The following ZFHX3 variants were observed in gnomAD, a reference collection of about 807,000 sequenced individuals.
The protein encoded by ZFHX3 is zinc finger homeobox 3, also known as zinc finger homeobox protein 3.
A neutral mutation model predicts 279.1 loss-of-function variants in ZFHX3; 42 were observed. The observed-to-expected ratio is 0.15, with a 90% CI of 0.12 to 0.19. The LOEUF (loss-of-function observed/expected upper bound fraction) is 0.19, where lower values mean the gene tolerates loss of function less well. Among genes scored for constraint, ZFHX3 ranks in the 10% least tolerant of loss-of-function variants. The pLI is 1.00. For synonymous variants in ZFHX3, 2,293 were observed against 1,957.8 expected (o/e 1.17, Z -4.52); for missense variants, 4,981 against 4,754.0 (o/e 1.05, Z -1.40).
rs367903408 is a variant in ZFHX3, at chr16:72,935,525, G to A, written c.3216+14944C>T. 4.1e-4 allele frequency among the ~76,000 whole-genome samples: 62 copies of A among 152,232 alleles called. 2 individuals are homozygous for A. In the South Asian group the frequency reaches 0.012, roughly 30 times the overall value. On this transcript the variant is annotated intron_variant, in intron 3 of 9. Transcript: ENST00000268489. ...GGAGGCAGAGGCAGGCGGATCGCCC[G>A]AGGTCAGGAGTTCGAGACCAGACTG...
At chr16:72,977,998 G>A (rs1310317200) in intron 1 of ZFHX3, among the ~76,000 whole-genome samples, 1 of 152,022 alleles carries the variant, frequency 6.6e-6, no homozygotes, top group African/African-American at 2.4e-5. Context: ...CTGAGTAGCT[G>A]GGACCACAGG....
At chr16:73,609,932 T>C (rs2052228093) in intron 2 of ZFHX3, 1 of 152,204 alleles carries the variant, frequency 6.6e-6, no homozygotes, top group Non-Finnish European at 1.5e-5. Flanking sequence ...TTATATTTTG[T>C]AAATACATAT....
intron 7 of ZFHX3, among the ~76,000 whole-genome samples, chr16:72,805,811 A>G (rs2036246670): frequency 6.6e-6 from 1 of 152,212 alleles, no homozygotes. Context: ...ACAGTCTTCT[A>G]CATATGCCAG....
chr16:73,366,962 A>G (rs1306072774), intron 3 of ZFHX3, among the ~76,000 whole-genome samples: 1 of 152,134 alleles, frequency 6.6e-6, no homozygotes, highest in Non-Finnish European at 1.5e-5. Context: ...CCACATTACA[A>G]ATGATTTTTG....
chr16:73,617,593 T>C (rs1170248697), intron 2 of ZFHX3, among the ~76,000 whole-genome samples: 1 of 152,210 alleles, frequency 6.6e-6, no homozygotes, highest in Non-Finnish European at 1.5e-5. Flanking sequence ...TGCCTAAAAA[T>C]TGTTTCTTTA....
intron 8 of ZFHX3, among the ~76,000 whole-genome samples, chr16:73,074,173 A>G (rs1322936883): frequency 6.6e-6 from 1 of 152,188 alleles, no homozygotes; most frequent in Non-Finnish European, 1.5e-5. Context: ...TCAACTTTGG[A>G]GGTATCTGGA....
chr16:73,660,670 A>G (rs535194412), intron 2 of ZFHX3, among the ~76,000 whole-genome samples: 3 of 152,274 alleles, frequency 2.0e-5, no homozygotes, highest in Middle Eastern at 6.8e-3. Flanking sequence ...CGAGAAACAC[A>G]ATGAAAACGT....
At chr16:72,834,745 C>T (rs550396576) in intron 4 of ZFHX3, among the ~76,000 whole-genome samples, 8 of 152,098 alleles carry the variant, frequency 5.3e-5, no homozygotes, top group African/African-American at 1.4e-4. Flanking sequence ...CATTCAACCC[C>T]GCAACCTCAC....
intron 5 of ZFHX3, among the ~76,000 whole-genome samples, chr16:72,824,194 T>C (rs1008486313): frequency 6.6e-6 from 1 of 152,202 alleles, no homozygotes; most frequent in Non-Finnish European, 1.5e-5. Context: ...CCATACGCTA[T>C]ACATTTATGT....
chr16:73,280,774 G>C (rs1411383726), intron 4 of ZFHX3, among the ~76,000 whole-genome samples: 3 of 151,922 alleles, frequency 2.0e-5, no homozygotes, highest in Non-Finnish European at 4.4e-5. Context: ...CTGAGGTTGG[G>C]AGTTCAAGAC....
intron 2 of ZFHX3, among the ~76,000 whole-genome samples, chr16:73,614,100 A>G (rs1221623396): frequency 6.6e-6 from 1 of 152,236 alleles, no homozygotes; most frequent in East Asian, 1.9e-4. Context: ...CTATGCCTGG[A>G]AAGAAAAGGA....
At chr16:73,155,199 A>T (rs1967049032) in intron 5 of ZFHX3, among the ~76,000 whole-genome samples, 1 of 151,908 alleles carries the variant, frequency 6.6e-6, no homozygotes, top group East Asian at 1.9e-4. Context: ...AAAAAACAAA[A>T]AAAAGGAAAA....
chr16:72,996,260 G>T (rs1021570398), intron 1 of ZFHX3, among the ~76,000 whole-genome samples: 1 of 152,180 alleles, frequency 6.6e-6, no homozygotes, highest in Non-Finnish European at 1.5e-5. Context: ...CTCCAGCCTG[G>T]TGACAGAGCA....
intron 2 of ZFHX3, among the ~76,000 whole-genome samples, chr16:73,672,826 A>C (rs1270309456): frequency 6.6e-6 from 1 of 152,178 alleles, no homozygotes; most frequent in Non-Finnish European, 1.5e-5. Context: ...AGAAATTCTT[A>C]CACATGAAAA....
chr16:72,918,090 A>C (rs1287747158), intron 3 of ZFHX3, among the ~76,000 whole-genome samples: 1 of 152,164 alleles, frequency 6.6e-6, no homozygotes, highest in Non-Finnish European at 1.5e-5. Context: ...CTAGAACATT[A>C]ATGACTTGGT....
chr16:72,909,889 A>AAAG (rs2039276053), intron 3 of ZFHX3, among the ~76,000 whole-genome samples: 1 of 151,648 alleles, frequency 6.6e-6, no homozygotes, highest in African/African-American at 2.4e-5. Context: ...AAAAAAAAAA[A>AAAG]AAAAAAAAAA....
intron 1 of ZFHX3, among the ~76,000 whole-genome samples, chr16:73,053,618 G>A (rs767565707): frequency 2.0e-5 from 3 of 152,164 alleles, no homozygotes; most frequent in Non-Finnish European, 2.9e-5. Context: ...ACCAGGGCGA[G>A]TGGATGTCGG....
At chr16:73,287,644 C>T in intron 4 of ZFHX3, among the ~76,000 whole-genome samples, 1 of 132,988 alleles carries the variant, frequency 7.5e-6, no homozygotes, top group East Asian at 2.3e-4. Context: ...TGGTGTGTGG[C>T]TGTGTGGGTT....
chr16:73,185,414 C>T (rs1158503750), intron 5 of ZFHX3, among the ~76,000 whole-genome samples: 1 of 152,258 alleles, frequency 6.6e-6, no homozygotes, highest in African/African-American at 2.4e-5. Flanking sequence ...AGTGGCAGAG[C>T]AAAGGGCGGA....
Sources: allele counts gnomAD v4.1 joint callset (sites outside exome capture counted in the v4.1 genomes callset), GRCh38; gene constraint gnomAD v4.1.1; transcripts MANE v1.5; gene names NCBI Gene and HGNC (gene_info 2026-07-23, HGNC 2026-07-21).